Variants in PRELID2 observed in about 807,000 individuals in gnomAD.
PRELID2 encodes PRELI domain containing 2.
PRELID2 carries 25 observed loss-of-function variants against 28.4 expected under a neutral mutation model. That is an observed-to-expected ratio of 0.88 (90% CI 0.64 to 1.23). The LOEUF (loss-of-function observed/expected upper bound fraction) is 1.23, where lower values mean the gene tolerates loss of function less well. PRELID2 is among the 50% of genes most tolerant of loss of function. The probability of loss-of-function intolerance (pLI) is 0.00; values close to 1 mark genes in which losing one functional copy is unlikely to be tolerated. For synonymous variants in PRELID2, 76 were observed against 71.6 expected (o/e 1.06, Z -0.31); for missense variants, 201 against 214.4 (o/e 0.94, Z 0.39).
At chr5:145,273,662 T>C in the PRELID2 span, among the ~76,000 whole-genome samples, 1 of 152,076 alleles carries the variant, frequency 6.6e-6, no homozygotes, top group African/African-American at 2.4e-5. Flanking sequence ...TTCCAAATAT[T>C]AGGGACAAAT....
At chr5:145,433,042 C>T in the PRELID2 span, among the ~76,000 whole-genome samples, 2 of 152,068 alleles carry the variant, frequency 1.3e-5, no homozygotes, top group East Asian at 3.9e-4. Context: ...CAACATTCAG[C>T]ACTCCACCAA....
chr5:145,313,402 G>T, the PRELID2 span, among the ~76,000 whole-genome samples: 1 of 152,200 alleles, frequency 6.6e-6, no homozygotes, highest in Non-Finnish European at 1.5e-5. Flanking sequence ...CTCATTTGCA[G>T]GTTTATTCTT....
intron 1 of PRELID2, among the ~76,000 whole-genome samples, chr5:145,513,754 G>A (rs1357774324): frequency 1.3e-5 from 2 of 152,132 alleles, no homozygotes; most frequent in African/African-American, 4.8e-5. Flanking sequence ...AGGAATGTCG[G>A]GTTACTCACA....
At chr5:145,254,810 G>A in the PRELID2 span, among the ~76,000 whole-genome samples, 4 of 151,620 alleles carry the variant, frequency 2.6e-5, no homozygotes, top group African/African-American at 7.3e-5. Flanking sequence ...AGAGAAATGA[G>A]AAAGATTTAC....
chr5:145,831,526 C>G (rs1478990954), intron 1 of PRELID2, among the ~76,000 whole-genome samples: 1 of 152,158 alleles, frequency 6.6e-6, no homozygotes. Flanking sequence ...CTACTGACTA[C>G]CAGTTCATGG....
chr5:145,232,923 T>C, the PRELID2 span, among the ~76,000 whole-genome samples: 1 of 152,022 alleles, frequency 6.6e-6, no homozygotes, highest in East Asian at 1.9e-4. Context: ...ATTAATATTA[T>C]TCTACAAGTT....
chr5:145,278,207 C>T, the PRELID2 span, among the ~76,000 whole-genome samples: 4 of 152,126 alleles, frequency 2.6e-5, no homozygotes, highest in African/African-American at 7.2e-5. Context: ...TCATCTCAGC[C>T]TCCCAATACA....
At chr5:145,614,815 T>C (rs1753670946) in intron 1 of PRELID2, among the ~76,000 whole-genome samples, 1 of 152,192 alleles carries the variant, frequency 6.6e-6, no homozygotes, top group Non-Finnish European at 1.5e-5. Flanking sequence ...TTGGATACCC[T>C]TTATTTCTTT....
At position 145,788,580 on chromosome 5, in the gene PRELID2, T is replaced by C. The variant is rs76389073; in HGVS notation, c.474+7862A>G. Among the ~76,000 whole-genome samples, 102 of 152,290 alleles carry C rather than the reference T, an allele frequency of 6.7e-4. No homozygotes were observed. The East Asian group carries it at 0.019, about 28-fold the overall frequency. The stretch of plus-strand genomic sequence containing the variant: ...GAAATGGTATACCCCATTGCTGTCA[T>C]GCACACAGATAGACAACTATCTCAA... On this transcript the variant is annotated intron_variant, in intron 5 of 6. Transcript: ENST00000683046.
the PRELID2 span, among the ~76,000 whole-genome samples, chr5:145,405,710 T>G: frequency 3.5e-4 from 51 of 147,204 alleles, no homozygotes; most frequent in Admixed American, 1.9e-3. Context: ...TTGTTTTTTT[T>G]TTTTTTTTTT....
chr5:145,230,460 TC>T, the PRELID2 span, among the ~76,000 whole-genome samples: 1 of 151,976 alleles, frequency 6.6e-6, no homozygotes, highest in Non-Finnish European at 1.5e-5. Context: ...ACGCCTGTAA[TC>T]CCAGCTACTC....
At chr5:145,322,455 A>T in the PRELID2 span, among the ~76,000 whole-genome samples, 2 of 152,170 alleles carry the variant, frequency 1.3e-5, no homozygotes, top group Non-Finnish European at 2.9e-5. Context: ...AGAAGTCTGA[A>T]CATGTAGCAT....
At chr5:145,495,459 G>A (rs777033330) in intron 1 of PRELID2, among the ~76,000 whole-genome samples, 3 of 152,028 alleles carry the variant, frequency 2.0e-5, no homozygotes, top group South Asian at 2.1e-4. Context: ...TCTCTAACTT[G>A]GTCTCATCTT....
intron 6 of PRELID2, among the ~76,000 whole-genome samples, chr5:145,761,885 T>C (rs1218707616): frequency 2.0e-5 from 3 of 151,098 alleles, no homozygotes; most frequent in Admixed American, 6.6e-5. Flanking sequence ...AACCACCCCC[T>C]CCATTTTCCA....
intron 1 of PRELID2, among the ~76,000 whole-genome samples, chr5:145,572,384 T>C (rs1381384195): frequency 6.6e-6 from 1 of 152,166 alleles, no homozygotes; most frequent in East Asian, 1.9e-4. Context: ...TCAGAATAAA[T>C]CCCTTAAAAT....
chr5:145,697,047 AT>A (rs1755288634), intron 1 of PRELID2, among the ~76,000 whole-genome samples: 1 of 109,982 alleles, frequency 9.1e-6, no homozygotes, highest in Admixed American at 8.6e-5. Flanking sequence ...ATATATATAT[AT>A]ATATATATAT....
rs1757263540 is a variant in PRELID2, at chr5:145,756,617, T to A, written c.*3919A>T. 6.6e-6 allele frequency among the ~76,000 whole-genome samples: 1 copy of A among 152,196 alleles called. No homozygotes were observed. The highest frequency in any genetic ancestry group is 1.5e-5 in the Non-Finnish European group (1 of 68,042). Reference sequence around the variant, plus strand: ...CTCACTTGCCGCGAGTTCACAAATATGACAACTGCAGATGAGGATAAAGAA... The same window carrying A: ...CTCACTTGCCGCGAGTTCACAAATAAGACAACTGCAGATGAGGATAAAGAA... On this transcript the variant is annotated 3_prime_UTR_variant, in exon 7 of 7. Transcript: ENST00000683046.
At chr5:145,742,193 T>C (rs1756841077) in intron 1 of PRELID2, among the ~76,000 whole-genome samples, 1 of 40,012 alleles carries the variant, frequency 2.5e-5, no homozygotes, top group Admixed American at 3.9e-4. Context: ...TATATATAAA[T>C]AATAATATAT....
intron 1 of PRELID2, among the ~76,000 whole-genome samples, chr5:145,740,897 G>T (rs139097628): frequency 0.85 from 73,538 of 86,554 alleles, 32,088 homozygotes; most frequent in East Asian, 0.96. Flanking sequence ...TATATTTATC[G>T]ATAAATATAT....
Sources: gnomAD v4.1 joint callset for allele counts (sites outside exome capture counted in the v4.1 genomes callset) on GRCh38, gnomAD v4.1.1 for gene constraint, MANE v1.5 for transcripts, NCBI Gene and HGNC (gene_info 2026-07-23, HGNC 2026-07-21) for gene names.